Variants in NRG3 observed in about 807,000 individuals in gnomAD.
NRG3 encodes neuregulin 3.
NRG3 carries 31 observed loss-of-function variants against 66.9 expected under a neutral mutation model. The ratio of observed to expected loss-of-function variants is 0.46; its 90% confidence interval spans 0.35 to 0.63. The LOEUF is 0.63. Among genes scored for constraint, NRG3 ranks in the 20% least tolerant of loss-of-function variants. The pLI, the probability that NRG3 is intolerant of heterozygous loss-of-function variation, is 0.00. For synonymous variants in NRG3, 393 were observed against 359.4 expected, an observed-to-expected ratio of 1.09 and a Z score of -1.06; for missense variants, 910 against 878.9, an observed-to-expected ratio of 1.04 and a Z score of -0.45.
At chr10:82,532,414 C>T (rs1018532192) in intron 2 of NRG3, among the ~76,000 whole-genome samples, 4 of 149,852 alleles carry the variant, frequency 2.7e-5, no homozygotes, top group African/African-American at 9.8e-5. Context: ...TAGTACAATA[C>T]ATATATAGTA....
chr10:82,709,350 C>A, intron 2 of NRG3, among the ~76,000 whole-genome samples: 1 of 151,520 alleles, frequency 6.6e-6, no homozygotes. Flanking sequence ...TTTGTTCCAG[C>A]AGCTGGTTTT....
intron 2 of NRG3, among the ~76,000 whole-genome samples, chr10:82,528,828 T>A (rs1354836284): frequency 1.3e-5 from 2 of 152,160 alleles, no homozygotes; most frequent in African/African-American, 4.8e-5. Flanking sequence ...AGACTCTCTC[T>A]CATCATCATC....
intron 1 of NRG3, among the ~76,000 whole-genome samples, chr10:82,059,498 C>T (rs2064020498): frequency 1.2e-4 from 1 of 8,514 alleles, no homozygotes; most frequent in Admixed American, 1.1e-3. Context: ...TTCTGAAAAA[C>T]GTGATAGAAG....
At chr10:82,653,499 C>T (rs2051593374) in intron 2 of NRG3, among the ~76,000 whole-genome samples, 1 of 152,042 alleles carries the variant, frequency 6.6e-6, no homozygotes, top group Admixed American at 6.5e-5. Flanking sequence ...ACTAACAAGT[C>T]CCAAGAGAAA....
At chr10:82,179,054 A>C (rs139788146) in intron 1 of NRG3, among the ~76,000 whole-genome samples, 1 of 152,122 alleles carries the variant, frequency 6.6e-6, no homozygotes, top group African/African-American at 2.4e-5. Flanking sequence ...AGAAATGTTT[A>C]TTCAGGCCCT....
rs936718699 is a variant in NRG3, at chr10:81,920,323, T to C, written c.823+44160T>C. Among the ~76,000 whole-genome samples the C allele has an allele frequency of 2.0e-5, 3 of 152,064 alleles. No homozygotes were observed. The East Asian group carries it at 5.8e-4, about 29-fold the overall frequency. On this transcript the variant is annotated intron_variant, in intron 1 of 8. Coordinates refer to ENST00000372141, the MANE Select transcript of NRG3 (RefSeq NM_001010848.4). ...GCAACCAAAAAGAAAATTCGAAGGG[T>C]TCCTCACTCTATTTGATTGGAGTTT...
intron 4 of NRG3, among the ~76,000 whole-genome samples, chr10:82,900,355 A>G (rs1004609238): frequency 3.3e-5 from 5 of 152,166 alleles, no homozygotes; most frequent in Admixed American, 6.5e-5. Context: ...TAGTGTTACT[A>G]TCATTAACTA....
At chr10:82,494,875 C>G (rs996632587) in intron 2 of NRG3, among the ~76,000 whole-genome samples, 1 of 151,944 alleles carries the variant, frequency 6.6e-6, no homozygotes, top group African/African-American at 2.4e-5. Flanking sequence ...ACATTGGCAG[C>G]TAAGAACTTG....
chr10:82,786,930 A>G (rs1173609889), intron 3 of NRG3, among the ~76,000 whole-genome samples: 1 of 152,056 alleles, frequency 6.6e-6, no homozygotes, highest in Non-Finnish European at 1.5e-5. Context: ...CCACTACGGT[A>G]TGATGCAGCA....
intron 2 of NRG3, among the ~76,000 whole-genome samples, chr10:82,449,364 C>T (rs886068928): frequency 2.0e-5 from 3 of 152,130 alleles, no homozygotes; most frequent in African/African-American, 7.2e-5. Flanking sequence ...GAAGAAAGGC[C>T]AGGTTTTTTG....
At chr10:82,358,137 A>G (rs1008535009) in intron 1 of NRG3, among the ~76,000 whole-genome samples, 1 of 152,234 alleles carries the variant, frequency 6.6e-6, no homozygotes, top group African/African-American at 2.4e-5. Flanking sequence ...AAAAATGGCA[A>G]TAATTGGTCC....
At chr10:82,160,104 C>G (rs908389129) in intron 1 of NRG3, among the ~76,000 whole-genome samples, 1 of 151,874 alleles carries the variant, frequency 6.6e-6, no homozygotes, top group Non-Finnish European at 1.5e-5. Flanking sequence ...TGTATTACCA[C>G]TATGGTTGAC....
chr10:82,420,566 A>G (rs939170327), intron 2 of NRG3, among the ~76,000 whole-genome samples: 6 of 152,158 alleles, frequency 3.9e-5, no homozygotes, highest in African/African-American at 1.4e-4. Context: ...TTGTCTGCTC[A>G]AATCCAAATT....
chr10:82,128,538 G>A (rs753040235), intron 1 of NRG3, among the ~76,000 whole-genome samples: 15 of 151,996 alleles, frequency 9.9e-5, no homozygotes, highest in African/African-American at 3.6e-4. Flanking sequence ...TGCATTTGTT[G>A]TGGAATGAAT....
At chr10:82,405,544 C>T (rs1230572270) in intron 2 of NRG3, among the ~76,000 whole-genome samples, 3 of 150,344 alleles carry the variant, frequency 2.0e-5, no homozygotes, top group African/African-American at 7.4e-5. Flanking sequence ...GCAACCTCCC[C>T]CTCCTGGGTT....
chr10:82,748,736 G>T (rs970983393), intron 3 of NRG3, among the ~76,000 whole-genome samples: 8 of 150,090 alleles, frequency 5.3e-5, no homozygotes, highest in Non-Finnish European at 8.9e-5. Flanking sequence ...AGTGTTGTAA[G>T]GTAGATTAAA....
chr10:82,228,170 AT>A (rs1564686510), intron 1 of NRG3, among the ~76,000 whole-genome samples: 1 of 152,212 alleles, frequency 6.6e-6, no homozygotes, highest in Non-Finnish European at 1.5e-5. Context: ...TTTTAAAAAG[AT>A]TTAAAAATTA....
At chr10:82,488,286 C>T (rs1318799230) in intron 2 of NRG3, among the ~76,000 whole-genome samples, 1 of 152,136 alleles carries the variant, frequency 6.6e-6, no homozygotes, top group Non-Finnish European at 1.5e-5. Context: ...AGCCATCTTC[C>T]ACAGAAATGT....
chr10:82,503,381 T>C (rs774858667), intron 2 of NRG3, among the ~76,000 whole-genome samples: 9 of 152,132 alleles, frequency 5.9e-5, no homozygotes, highest in African/African-American at 2.2e-4. Flanking sequence ...GAGAAGGAAC[T>C]TTGGTAGTAG....
Sources: gnomAD v4.1 joint callset for allele counts (sites outside exome capture counted in the v4.1 genomes callset) on GRCh38, gnomAD v4.1.1 for gene constraint, MANE v1.5 for transcripts, NCBI Gene and HGNC (gene_info 2026-07-23, HGNC 2026-07-21) for gene names.